Variants in ADAM12 observed in about 807,000 individuals in gnomAD.
ADAM12 encodes the protein disintegrin and metalloproteinase domain-containing protein 12.
Under a neutral mutation model 106.4 loss-of-function variants are expected in ADAM12, and 70 were observed. The observed-to-expected ratio is 0.66, with a 90% CI of 0.54 to 0.80. The LOEUF (loss-of-function observed/expected upper bound fraction) is 0.80, where lower values mean the gene tolerates loss of function less well. Ranked by LOEUF, ADAM12 falls within the 30% of genes least tolerant of loss-of-function variation. The probability of loss-of-function intolerance (pLI) is 0.00; values close to 1 mark genes in which losing one functional copy is unlikely to be tolerated. For missense variants in ADAM12, 1,010 were observed against 1,171.9 expected (o/e 0.86, Z 2.02); for synonymous variants, 420 against 433.5 (o/e 0.97, Z 0.39).
At chr10:126,185,110 G>A (rs1402232700) in intron 3 of ADAM12, among the ~76,000 whole-genome samples, 1 of 152,174 alleles carries the variant, frequency 6.6e-6, no homozygotes, top group Non-Finnish European at 1.5e-5. Flanking sequence ...ACATGGTCTG[G>A]ATTTTGTAGC....
At chr10:126,377,136 T>C (rs1856321256) in intron 1 of ADAM12, among the ~76,000 whole-genome samples, 1 of 152,172 alleles carries the variant, frequency 6.6e-6, no homozygotes, top group African/African-American at 2.4e-5. Flanking sequence ...CAACATCACA[T>C]GTCAGGAGCC....
intron 6 of ADAM12, among the ~76,000 whole-genome samples, chr10:126,116,347 C>G (rs1955982492): frequency 6.6e-6 from 1 of 152,158 alleles, no homozygotes; most frequent in African/African-American, 2.4e-5. Flanking sequence ...ACCGGTAAAG[C>G]TACAGCTTAA....
chr10:126,286,802 TGACA>T (rs1959887007), intron 2 of ADAM12, among the ~76,000 whole-genome samples: 1 of 152,358 alleles, frequency 6.6e-6, no homozygotes, highest in African/African-American at 2.4e-5. Flanking sequence ...CTTGAGTTAC[TGACA>T]ATTTTTCCGA....
intron 18 of ADAM12, chr10:126,041,896 T>C: frequency 1.4e-6 from 2 of 1,400,024 alleles, no homozygotes; most frequent in Non-Finnish European, 1.9e-6. Flanking sequence ...CACTGAAGCA[T>C]GTCCATGTTT....
intron 6 of ADAM12, among the ~76,000 whole-genome samples, chr10:126,111,499 A>C (rs57597554): frequency 0.046 from 7,037 of 152,254 alleles, 557 homozygotes; most frequent in African/African-American, 0.16. Flanking sequence ...AATTATGCAG[A>C]AGAAAATATA....
chr10:126,171,394 G>A (rs1957118019), intron 3 of ADAM12, among the ~76,000 whole-genome samples: 2 of 152,146 alleles, frequency 1.3e-5, no homozygotes, highest in Non-Finnish European at 1.5e-5. Flanking sequence ...CGTGGCAGGG[G>A]TGGTTAGTTG....
At chr10:126,023,122 C>T (rs1953800713) in intron 21 of ADAM12, among the ~76,000 whole-genome samples, 3 of 152,164 alleles carry the variant, frequency 2.0e-5, no homozygotes, top group Admixed American at 2.0e-4. Flanking sequence ...CCAGAGATCC[C>T]TGACGAGCTC....
At chr10:126,089,519 C>T (rs1271470625) in intron 11 of ADAM12, among the ~76,000 whole-genome samples, 1 of 152,174 alleles carries the variant, frequency 6.6e-6, no homozygotes, top group Non-Finnish European at 1.5e-5. Flanking sequence ...TGGCAAACTA[C>T]AATATCTCAG....
intron 11 of ADAM12, among the ~76,000 whole-genome samples, chr10:126,078,416 G>A (rs1045083224): frequency 6.6e-6 from 1 of 152,032 alleles, no homozygotes; most frequent in South Asian, 2.1e-4. Flanking sequence ...GTTCTCCAAG[G>A]CCCATATAAT....
At chr10:126,197,547 A>T (rs1957620138) in intron 3 of ADAM12, among the ~76,000 whole-genome samples, 1 of 152,192 alleles carries the variant, frequency 6.6e-6, no homozygotes, top group African/African-American at 2.4e-5. Context: ...TCCGAAGAGG[A>T]GCAGCACAAA....
chr10:126,342,091 C>G (rs559890487), intron 1 of ADAM12, among the ~76,000 whole-genome samples: 1 of 152,196 alleles, frequency 6.6e-6, no homozygotes, highest in Non-Finnish European at 1.5e-5. Context: ...GTTCATTTCC[C>G]TTTTTCCCCA....
chr10:126,343,637 T>A (rs1257966152), intron 1 of ADAM12, among the ~76,000 whole-genome samples: 3 of 152,340 alleles, frequency 2.0e-5, no homozygotes, highest in Non-Finnish European at 4.4e-5. Flanking sequence ...TAGTTTACAG[T>A]CCCACCAATA....
At chr10:126,322,198 T>A (rs540519602) in intron 2 of ADAM12, among the ~76,000 whole-genome samples, 5 of 152,352 alleles carry the variant, frequency 3.3e-5, no homozygotes, top group Admixed American at 1.3e-4. Context: ...ATTTATGTAT[T>A]ATCTAGGGCT....
At chr10:126,131,066 C>A (rs1304504585) in intron 5 of ADAM12, among the ~76,000 whole-genome samples, 1 of 145,234 alleles carries the variant, frequency 6.9e-6, no homozygotes, top group Non-Finnish European at 1.5e-5. Flanking sequence ...TGGAAGAGGC[C>A]TATTTGTTTC....
intron 3 of ADAM12, among the ~76,000 whole-genome samples, chr10:126,272,175 C>G (rs139399916): frequency 4.5e-4 from 68 of 152,314 alleles, no homozygotes; most frequent in African/African-American, 1.6e-3. Flanking sequence ...TGACTAAATT[C>G]TAAGAGGACA....
rs138101268 is a variant in ADAM12 at position 126,203,518 on chromosome 10, A to G, written c.261-48213T>C. ...TCTTTTTGAATAAATATAGAAGCAT[A>G]AACACGCAGAAATACAGAAGTCAGG... On this transcript the variant is annotated intron_variant, in intron 3 of 22. Coordinates refer to ENST00000448723, the MANE Select transcript of ADAM12 (RefSeq NM_001288973.2). Among the ~76,000 whole-genome samples the G allele has an allele frequency of 3.0e-3, 464 of 152,344 alleles. 8 individuals carry two copies. The highest frequency in any genetic ancestry group is 0.022 in the Admixed American group (339 of 15,302).
At chr10:126,386,591 A>C (rs1856668506) in intron 1 of ADAM12, among the ~76,000 whole-genome samples, 1 of 152,184 alleles carries the variant, frequency 6.6e-6, no homozygotes, top group African/African-American at 2.4e-5. Context: ...AGCTGAACTC[A>C]TAAAATAGTA....
intron 14 of ADAM12, among the ~76,000 whole-genome samples, chr10:126,055,767 A>T (rs1710292): frequency 0.71 from 108,227 of 151,486 alleles, 40,259 homozygotes; most frequent in East Asian, 0.93. Context: ...GGAGTCAACA[A>T]CTTCTTCACC....
chr10:126,351,475 T>C (rs878910043), intron 1 of ADAM12, among the ~76,000 whole-genome samples: 1 of 152,178 alleles, frequency 6.6e-6, no homozygotes, highest in Admixed American at 6.5e-5. Flanking sequence ...TGGATTTCCC[T>C]GCCTGACACA....
Sources: gnomAD v4.1 joint callset for allele counts (sites outside exome capture counted in the v4.1 genomes callset) on GRCh38, gnomAD v4.1.1 for gene constraint, MANE v1.5 for transcripts, NCBI Gene and HGNC (gene_info 2026-07-23, HGNC 2026-07-21) for gene names.